PHAX: variants seen among roughly 807,000 people sequenced by gnomAD.
The protein encoded by PHAX is phosphorylated adaptor for RNA export.
PHAX carries 31 observed loss-of-function variants against 41.6 expected under a neutral mutation model. The ratio of observed to expected loss-of-function variants is 0.75; its 90% CI spans 0.56 to 1.01. The LOEUF (loss-of-function observed/expected upper bound fraction) is 1.01, where lower values mean the gene tolerates loss of function less well. PHAX is among the 50% of genes least tolerant of loss of function. The probability of loss-of-function intolerance (pLI) is 0.00; values close to 1 mark genes in which losing one functional copy is unlikely to be tolerated. For missense variants in PHAX, 453 were observed against 472.9 expected (o/e 0.96, Z 0.39); for synonymous variants, 175 against 164.9 (o/e 1.06, Z -0.47).
At chr5:126,617,221 C>CCAT in intron 3 of PHAX, 29 bp from the exon 4 acceptor site, 1 of 1,406,126 alleles carries the variant, frequency 7.1e-7, no homozygotes, top group Non-Finnish European at 1.0e-6. Flanking sequence ...AGAGTATATG[C>CCAT]AGTTTACCTT....
At chr5:126,622,660 T>A (rs969808539) in intron 4 of PHAX, among the ~76,000 whole-genome samples, 6 of 151,972 alleles carry the variant, frequency 3.9e-5, no homozygotes, top group African/African-American at 1.4e-4. Flanking sequence ...ATTTACTCAG[T>A]GTTACCAAGC....
intron 2 of PHAX, among the ~76,000 whole-genome samples, chr5:126,606,398 T>C (rs1751987783): frequency 2.0e-5 from 3 of 152,222 alleles, no homozygotes; most frequent in Admixed American, 2.0e-4. Flanking sequence ...GGTTTCGCCA[T>C]GTTGGCCAGG....
rs376102342 is a variant in PHAX at position 126,606,195 on chromosome 5, A to ATTGT, written c.710+2028_710+2031dup. Among the ~76,000 whole-genome samples the ATTGT allele has an allele frequency of 8.6e-3, 1,291 of 149,606 alleles. 12 individuals are homozygous for ATTGT. Among genetic ancestry groups the ATTGT allele is most frequent in the Middle Eastern group, 0.024 (7 of 294 alleles). On this transcript the variant is annotated intron_variant, in intron 2 of 4. Transcript: ENST00000297540. ...TTTGTGTGTGTGGTTTGTTTTTTTG[A>ATTGT]TTGTTTGTTTGTTTGTTTGAGACAG... is the stretch of plus-strand genomic sequence containing the variant.
intron 3 of PHAX, among the ~76,000 whole-genome samples, chr5:126,614,516 G>T (rs1200502703): frequency 1.3e-5 from 2 of 152,116 alleles, no homozygotes; most frequent in Non-Finnish European, 2.9e-5. Context: ...GGGCTAAAGG[G>T]AGGAGGCTAA....
rs947237316 is a variant in PHAX, at chr5:126,624,424, C to T, written c.916-151C>T. The T allele has an allele frequency of 5.9e-6, 4 of 678,512 alleles. 1 individual carries two copies. In the South Asian group the frequency reaches 6.1e-5, roughly 10 times the overall value. The allele number at this position is 678,512 out of a possible 1,614,324, so 42.0% of individuals were successfully genotyped here. ...GTTTCAATCTTGCAATGAGTACTTACTTAATATCTTGAACTCCATCTTAAT... is the reference window on the plus strand; with the variant it reads ...GTTTCAATCTTGCAATGAGTACTTATTTAATATCTTGAACTCCATCTTAAT... On this transcript the variant is annotated intron_variant, in intron 4 of 4. Transcript: ENST00000297540.
intron 3 of PHAX, 149 bp from the exon 4 acceptor site, chr5:126,617,101 C>T (rs889631775): frequency 2.2e-6 from 1 of 452,666 alleles, no homozygotes; most frequent in Non-Finnish European, 4.0e-6. Flanking sequence ...GTAATTTACT[C>T]ATGTTACCTA....
At position 126,600,984 on chromosome 5, in the gene PHAX, A is replaced by G. The variant is rs150357305; in HGVS notation, c.22A>G (p.Met8Val). The G allele has an allele frequency of 1.4e-5, 22 of 1,603,966 alleles. No homozygotes were observed. The highest frequency in any genetic ancestry group is 1.7e-5 in the Admixed American group (1 of 59,492). Residue 8 changes from methionine (M) to valine (V), a missense_variant, in exon 1 of 5, where the codon ATG becomes GTG. Transcript: ENST00000297540. MALEVGD[M>V]EDGQLSDSDS... ...GAAGATGGCGTTGGAGGTCGGCGAT[A>G]TGGAAGATGGGCAGCTTTCCGACTC... is the stretch of plus-strand genomic sequence containing the variant.
At chr5:126,608,958 G>A (rs1581417871) in intron 3 of PHAX, among the ~76,000 whole-genome samples, 1 of 148,408 alleles carries the variant, frequency 6.7e-6, no homozygotes. Context: ...AGAATAAAAA[G>A]AAAAAAAAAT....
At chr5:126,611,579 A>G (rs542540296) in intron 3 of PHAX, among the ~76,000 whole-genome samples, 33 of 152,218 alleles carry the variant, frequency 2.2e-4, no homozygotes, top group African/African-American at 7.5e-4. Flanking sequence ...TGAGTACAGG[A>G]GTTCGAGACC....
At chr5:126,615,862 G>A (rs1752176107) in intron 3 of PHAX, among the ~76,000 whole-genome samples, 1 of 151,970 alleles carries the variant, frequency 6.6e-6, no homozygotes, top group Non-Finnish European at 1.5e-5. Context: ...AATGTTTGCA[G>A]CAACTTTATA....
intron 2 of PHAX, among the ~76,000 whole-genome samples, chr5:126,606,068 CTT>C (rs1262152007): frequency 6.6e-6 from 1 of 151,992 alleles, no homozygotes; most frequent in Non-Finnish European, 1.5e-5. Flanking sequence ...ATAAATTTGC[CTT>C]TTTTGGATAT....
chr5:126,602,880 C>G (rs1006014587), intron 1 of PHAX, among the ~76,000 whole-genome samples: 4 of 151,984 alleles, frequency 2.6e-5, no homozygotes, highest in Admixed American at 2.6e-4. Flanking sequence ...TGGCGGGCGC[C>G]TGTAGTCCCA....
intron 4 of PHAX, among the ~76,000 whole-genome samples, chr5:126,621,190 G>T (rs540187933): frequency 4.7e-4 from 71 of 151,210 alleles, no homozygotes; most frequent in African/African-American, 1.7e-3. Flanking sequence ...GTACCTGGCA[G>T]TTTTGTTTTG....
intron 1 of PHAX, among the ~76,000 whole-genome samples, chr5:126,601,490 G>T (rs1192424149): frequency 6.6e-6 from 1 of 152,192 alleles, no homozygotes; most frequent in African/African-American, 2.4e-5. Flanking sequence ...CAAATATGTA[G>T]CATCTAGGGA....
intron 2 of PHAX, among the ~76,000 whole-genome samples, chr5:126,605,418 A>T (rs568372514): frequency 7.7e-4 from 117 of 152,190 alleles, no homozygotes; most frequent in African/African-American, 2.7e-3. Context: ...TTTATGAGAC[A>T]GTCTTGCTCT....
At chr5:126,607,624 A>C (rs965491360) in intron 2 of PHAX, among the ~76,000 whole-genome samples, 1 of 152,038 alleles carries the variant, frequency 6.6e-6, no homozygotes, top group Non-Finnish European at 1.5e-5. Context: ...ACTGGTCTCG[A>C]ACTCCCAACC....
At chr5:126,612,107 TATTTGAATGTACC>T (rs892739555) in intron 3 of PHAX, among the ~76,000 whole-genome samples, 2 of 152,072 alleles carry the variant, frequency 1.3e-5, no homozygotes, top group African/African-American at 4.8e-5. Flanking sequence ...AAATAAATAA[TATTTGAATGTACC>T]AGTTCAAAAA....
At chr5:126,610,419 G>A (rs558686883) in intron 3 of PHAX, among the ~76,000 whole-genome samples, 1 of 152,152 alleles carries the variant, frequency 6.6e-6, no homozygotes, top group East Asian at 1.9e-4. Context: ...TGGACATGGG[G>A]AGAAAAAAAA....
intron 3 of PHAX, among the ~76,000 whole-genome samples, chr5:126,610,958 C>T (rs1208727395): frequency 1.3e-5 from 2 of 152,084 alleles, no homozygotes; most frequent in Non-Finnish European, 2.9e-5. Context: ...CTGCCCACCT[C>T]GGTCTCCCAA....
Sources: allele counts gnomAD v4.1 joint callset (sites outside exome capture counted in the v4.1 genomes callset), GRCh38; gene constraint gnomAD v4.1.1; transcripts MANE v1.5; gene names NCBI Gene and HGNC (gene_info 2026-07-23, HGNC 2026-07-21).